PTPRN2: variants seen among roughly 807,000 people sequenced by gnomAD.
The protein encoded by PTPRN2 is protein tyrosine phosphatase receptor type N2.
PTPRN2 carries 74 observed loss-of-function variants against 118.8 expected under a neutral mutation model. The ratio of observed to expected loss-of-function variants is 0.62; its 90% confidence interval spans 0.52 to 0.76. The LOEUF is 0.76. Ranked by LOEUF, PTPRN2 falls within the 30% of genes least tolerant of loss-of-function variation. The pLI is 0.00. For missense variants in PTPRN2, 1,481 were observed against 1,394.4 expected (o/e 1.06, Z -0.99); for synonymous variants, 641 against 608.0 (o/e 1.05, Z -0.80).
intron 12 of PTPRN2, among the ~76,000 whole-genome samples, chr7:157,704,471 TGAA>T (rs1356539599): frequency 1.3e-4 from 20 of 152,218 alleles, no homozygotes; most frequent in African/African-American, 4.8e-4. Flanking sequence ...TGATCACCGA[TGAA>T]GAGTGCAAGA....
chr7:158,323,071 G>T (rs1803172405), intron 2 of PTPRN2, among the ~76,000 whole-genome samples: 1 of 152,208 alleles, frequency 6.6e-6, no homozygotes, highest in Admixed American at 6.5e-5. Flanking sequence ...TTGTGGGGGA[G>T]GGGAATATTC....
At chr7:157,921,649 A>T (rs925309041) in intron 11 of PTPRN2, among the ~76,000 whole-genome samples, 12 of 152,308 alleles carry the variant, frequency 7.9e-5, no homozygotes, top group African/African-American at 2.6e-4. Flanking sequence ...CCAGCCCCTC[A>T]TGCTTGTCGT....
chr7:157,578,157 C>T lies in PTPRN2; in HGVS notation c.2497-17G>A. The stretch of plus-strand genomic sequence containing the variant: ...CCACACCATCTGCGGACAAAGAAGG[C>T]CCGTGGCCGCGGTGTGACTGTCTCA... On this transcript the variant is annotated splice_polypyrimidine_tract_variant and intron_variant, in intron 17 of 22. Coordinates refer to ENST00000389418, the MANE Select transcript of PTPRN2 (RefSeq NM_002847.5). 1 of 1,597,058 alleles carries T rather than the reference C, an allele frequency of 6.3e-7. No individual in the cohort carries two copies. Among genetic ancestry groups the T allele is most frequent in the Non-Finnish European group, 8.6e-7 (1 of 1,169,208 alleles).
rs187041429 is a variant in PTPRN2 at position 157,881,627 on chromosome 7, G to A, written c.1788+17046C>T. On this transcript the variant is annotated intron_variant, in intron 12 of 22. Transcript: ENST00000389418. The surrounding 1 kb of genome is among the most constrained non-coding windows in gnomAD (Gnocchi z 4.7). ...CAAGCCCCTGTGACTGCAGGGATGC[G>A]TCTCTGCCTACGAGAAAGGAGAGGA... Among the ~76,000 whole-genome samples the A allele has an allele frequency of 7.1e-3, 1,073 of 152,176 alleles. 4 individuals carry two copies. The highest frequency in any genetic ancestry group is 9.2e-3 in the Non-Finnish European group (627 of 68,022).
rs532498555 is a variant in PTPRN2 at position 157,627,966 on chromosome 7, G to C, written c.2197-6457C>G. 3.3e-5 allele frequency among the ~76,000 whole-genome samples: 5 copies of C among 152,282 alleles called. No homozygotes were observed. Among genetic ancestry groups the C allele is most frequent in the Non-Finnish European group, 5.9e-5 (4 of 68,020 alleles). On this transcript the variant is annotated intron_variant, in intron 14 of 22. Transcript: ENST00000389418. This position sits in a 1 kb window ranked among gnomAD's most constrained non-coding sequence, Gnocchi z 4.2. ...GTTAGAGATATGAACTCAATCTAAGGTTTCCCCTGTCATCCTTCTCCCGTT... is the reference window on the plus strand; with the variant it reads ...GTTAGAGATATGAACTCAATCTAAGCTTTCCCCTGTCATCCTTCTCCCGTT...
intron 17 of PTPRN2, among the ~76,000 whole-genome samples, chr7:157,586,002 A>C (rs1239341649): frequency 6.6e-6 from 1 of 152,234 alleles, no homozygotes; most frequent in Non-Finnish European, 1.5e-5. Context: ...CCCAAAATTT[A>C]GATAAGGCAA....
chr7:157,844,047 G>A (rs971346172), intron 12 of PTPRN2, among the ~76,000 whole-genome samples: 7 of 151,450 alleles, frequency 4.6e-5, no homozygotes, highest in Admixed American at 1.3e-4. Context: ...GCCCCTCCAC[G>A]TCATCGGTGT....
chr7:158,267,990 G>A (rs1387531081), intron 3 of PTPRN2, among the ~76,000 whole-genome samples: 1 of 152,184 alleles, frequency 6.6e-6, no homozygotes, highest in East Asian at 1.9e-4. Flanking sequence ...ACTGGGTTAT[G>A]TGCACAGAGA....
At chr7:158,054,539 A>T (rs1048456910) in intron 11 of PTPRN2, among the ~76,000 whole-genome samples, 2 of 152,240 alleles carry the variant, frequency 1.3e-5, no homozygotes, top group Non-Finnish European at 2.9e-5. Context: ...TTATTCATGC[A>T]ACGAACACGT....
In PTPRN2 at chr7:157,748,502, GGTGAT is replaced by G. The variant is rs1407326488; in HGVS notation, c.1789-65570_1789-65566del. Among the ~76,000 whole-genome samples the G allele has an allele frequency of 5.4e-4, 78 of 145,664 alleles. 1 individual carries two copies. The highest frequency in any genetic ancestry group is 4.0e-3 in the Middle Eastern group (1 of 248). On this transcript the variant is annotated intron_variant, in intron 12 of 22. Transcript: ENST00000389418. Reference sequence around the variant, plus strand: ...GCGTCCCTGAGCTGCGGAGTGTCTGGGTGATTCTTAGGTCTGCGTCTCTGAGCTGT... The same window carrying G: ...GCGTCCCTGAGCTGCGGAGTGTCTGGTCTTAGGTCTGCGTCTCTGAGCTGT...
At chr7:158,210,833 A>C (rs1036491163) in intron 3 of PTPRN2, among the ~76,000 whole-genome samples, 3 of 152,208 alleles carry the variant, frequency 2.0e-5, no homozygotes, top group African/African-American at 7.2e-5. Context: ...AAAGTCTCCA[A>C]GCAAAGAAAA....
At chr7:158,223,103 A>G (rs1278307525) in intron 3 of PTPRN2, among the ~76,000 whole-genome samples, 1 of 152,230 alleles carries the variant, frequency 6.6e-6, no homozygotes, top group Non-Finnish European at 1.5e-5. Flanking sequence ...CTTGAAATCC[A>G]CAAGTTACCT....
intron 15 of PTPRN2, among the ~76,000 whole-genome samples, chr7:157,613,338 T>C (rs1232452380): frequency 1.3e-5 from 2 of 152,182 alleles, no homozygotes; most frequent in African/African-American, 4.8e-5. Context: ...AACCAACAGT[T>C]CCGGTCTCTT....
At chr7:158,505,673 GA>G (rs1822692245) in intron 1 of PTPRN2, among the ~76,000 whole-genome samples, 2 of 147,006 alleles carry the variant, frequency 1.4e-5, no homozygotes, top group African/African-American at 4.9e-5. Flanking sequence ...ATGGGGAGAG[GA>G]AGAGGAAGAA....
chr7:158,138,354 C>T lies in PTPRN2; in HGVS notation c.1072G>A (p.Gly358Arg), dbSNP rs1447354936. The change falls in exon 7 of 23, where the codon GGA becomes AGA. Residue 358 changes from glycine to arginine, a missense_variant. Coordinates refer to ENST00000389418, the MANE Select transcript of PTPRN2 (RefSeq NM_002847.5). ...CCATCCGCCTGTTCTCCAGACTCTC[C>T]CAGGGCCGCTCTCCCAGGGCTGCCT... ...ARGSPGRAALGESGEQADGPK... is the reference protein window; with the variant it reads ...ARGSPGRAALRESGEQADGPK... 1 of 1,613,818 alleles carries T rather than the reference C, an allele frequency of 6.2e-7. No homozygotes were observed. The highest frequency in any genetic ancestry group is 8.5e-7 in the Non-Finnish European group (1 of 1,180,036).
chr7:158,586,988 T>C (rs1828972748), intron 1 of PTPRN2, among the ~76,000 whole-genome samples: 1 of 151,996 alleles, frequency 6.6e-6, no homozygotes, highest in Non-Finnish European at 1.5e-5. Flanking sequence ...GCGCGAGACC[T>C]GCTCCGAGCC....
At chr7:158,283,640 C>T (rs531531017) in intron 3 of PTPRN2, among the ~76,000 whole-genome samples, 7 of 152,264 alleles carry the variant, frequency 4.6e-5, no homozygotes, top group East Asian at 1.9e-4. Flanking sequence ...TAATCATCAA[C>T]GGTGTTGGCC....
chr7:158,018,397 C>T (rs572182429), intron 11 of PTPRN2, among the ~76,000 whole-genome samples: 9 of 152,178 alleles, frequency 5.9e-5, no homozygotes, highest in African/African-American at 9.7e-5. Context: ...AATTTATAAC[C>T]GGGAGCATAT....
chr7:158,333,922 C>CACTCATCACTCACACTCAT (rs1805042540), intron 2 of PTPRN2, among the ~76,000 whole-genome samples: 1 of 137,678 alleles, frequency 7.3e-6, no homozygotes, highest in African/African-American at 2.7e-5. Flanking sequence ...CTCACACCCA[C>CACTCATCACTCACACTCAT]ACTCTCACCA....
Sources: allele counts gnomAD v4.1 joint callset (sites outside exome capture counted in the v4.1 genomes callset), GRCh38; gene constraint gnomAD v4.1.1; non-coding constraint Gnocchi (gnomAD v3.1); transcripts MANE v1.5; gene names NCBI Gene and HGNC (gene_info 2026-07-23, HGNC 2026-07-21).